TAPT1: variants seen among roughly 807,000 people sequenced by gnomAD.
TAPT1 encodes the protein transmembrane anterior posterior transformation 1, also known as transmembrane anterior posterior transformation protein 1 homolog.
In TAPT1, 28 loss-of-function variants were observed where a neutral mutation model predicts 65.6. The ratio of observed to expected loss-of-function variants is 0.43; its 90% CI spans 0.32 to 0.59. The LOEUF (loss-of-function observed/expected upper bound fraction) is 0.59, where lower values mean the gene tolerates loss of function less well. TAPT1 is among the 20% of genes least tolerant of loss of function. The probability of loss-of-function intolerance (pLI) is 0.09; values close to 1 mark genes in which losing one functional copy is unlikely to be tolerated. For missense variants in TAPT1, 563 were observed against 679.9 expected, an observed-to-expected ratio of 0.83 and a Z score of 1.91; for synonymous variants, 278 against 245.2, an observed-to-expected ratio of 1.13 and a Z score of -1.25.
At chr4:16,185,649 G>A (rs191466685) in intron 7 of TAPT1, among the ~76,000 whole-genome samples, 2 of 152,128 alleles carry the variant, frequency 1.3e-5, no homozygotes, top group Admixed American at 6.5e-5. Flanking sequence ...GATTACAGGC[G>A]TTAGCCACTG....
intron 12 of TAPT1, among the ~76,000 whole-genome samples, chr4:16,168,489 G>A (rs1747783639): frequency 6.6e-6 from 1 of 152,112 alleles, no homozygotes; most frequent in Admixed American, 6.5e-5. Flanking sequence ...GCTGCCTGGT[G>A]CCTGCTGTTC....
intron 1 of TAPT1, among the ~76,000 whole-genome samples, chr4:16,217,715 CAAA>C (rs935018338): frequency 6.6e-6 from 1 of 152,178 alleles, no homozygotes; most frequent in Non-Finnish European, 1.5e-5. Flanking sequence ...TCAGACATGA[CAAA>C]AGAAGAGCAT....
chr4:16,203,782 T>C (rs936312191), intron 2 of TAPT1, among the ~76,000 whole-genome samples: 9 of 152,242 alleles, frequency 5.9e-5, no homozygotes, highest in African/African-American at 9.6e-5. Context: ...TACTTTGTTA[T>C]GGCAGCCCTA....
At chr4:16,186,463 G>T in intron 7 of TAPT1, 72 bp downstream of exon 7, 1 of 952,630 alleles carries the variant, frequency 1.0e-6, no homozygotes, top group Non-Finnish European at 1.6e-6. Context: ...GAGAAAATGT[G>T]CCATTAGGAT....
intron 3 of TAPT1, among the ~76,000 whole-genome samples, chr4:16,200,485 T>C (rs1292821548): frequency 6.6e-6 from 1 of 152,070 alleles, no homozygotes; most frequent in Admixed American, 6.5e-5. Context: ...CCACCATGTC[T>C]GGCTAATTTT....
intron 13 of TAPT1, among the ~76,000 whole-genome samples, chr4:16,165,669 G>A (rs915823697): frequency 2.6e-5 from 4 of 151,664 alleles, no homozygotes; most frequent in East Asian, 3.9e-4. Flanking sequence ...TTAAGTCAAC[G>A]TCCCAGTTCT....
upstream of TAPT1, chr4:16,226,682 C>A: frequency 6.1e-6 from 1 of 163,778 alleles, no homozygotes; most frequent in Non-Finnish European, 1.3e-5. Context: ...CTGCCCTCGC[C>A]GTGGCGGGCG....
chr4:16,202,404 A>C, intron 3 of TAPT1, 58 bp downstream of exon 3: 1 of 1,079,628 alleles, frequency 9.3e-7, no homozygotes, highest in Non-Finnish European at 1.4e-6. Flanking sequence ...CAACCACTAC[A>C]AGTATTAAAA....
chr4:16,214,525 C>G (rs138298055), intron 1 of TAPT1: 8 of 152,360 alleles, frequency 5.3e-5, no homozygotes, highest in African/African-American at 1.9e-4. Flanking sequence ...TGTTTTTCCT[C>G]TGTTCCTCTA....
At chr4:16,212,461 AT>A (rs1163370739) in intron 2 of TAPT1, among the ~76,000 whole-genome samples, 4 of 152,140 alleles carry the variant, frequency 2.6e-5, no homozygotes, top group Non-Finnish European at 5.9e-5. Context: ...TTAATCTTTT[AT>A]TTTTTTCCAA....
At chr4:16,194,967 G>C (rs1421237613) in intron 3 of TAPT1, among the ~76,000 whole-genome samples, 2 of 151,962 alleles carry the variant, frequency 1.3e-5, no homozygotes, top group African/African-American at 2.4e-5. Flanking sequence ...CCTGACCTCA[G>C]GTGATCCACC....
intron 1 of TAPT1, among the ~76,000 whole-genome samples, chr4:16,215,481 G>A (rs1750884831): frequency 6.6e-6 from 1 of 152,092 alleles, no homozygotes; most frequent in South Asian, 2.1e-4. Context: ...CCATATATAT[G>A]TGTATGTACA....
intron 2 of TAPT1, among the ~76,000 whole-genome samples, chr4:16,204,600 G>A (rs1389144162): frequency 6.6e-6 from 1 of 152,248 alleles, no homozygotes; most frequent in Non-Finnish European, 1.5e-5. Flanking sequence ...GTCTCTGAGA[G>A]ATCTTTTCTG....
At chr4:16,220,356 G>A (rs918503972) in intron 1 of TAPT1, among the ~76,000 whole-genome samples, 4 of 152,004 alleles carry the variant, frequency 2.6e-5, no homozygotes, top group Non-Finnish European at 5.9e-5. Context: ...CTACCTCTAC[G>A]TTTTAAAAAT....
At chr4:16,181,593 G>T (rs906578877) in intron 7 of TAPT1, among the ~76,000 whole-genome samples, 6 of 152,134 alleles carry the variant, frequency 3.9e-5, no homozygotes, top group African/African-American at 1.4e-4. Flanking sequence ...TATTTTTTAA[G>T]ATTTTTTTAT....
At position 16,212,582 on chromosome 4, in the gene TAPT1, C is replaced by G. The variant is rs189633112; in HGVS notation, c.330+1186G>C. 1.6e-3 allele frequency among the ~76,000 whole-genome samples: 242 copies of G among 152,296 alleles called. 1 individual carries two copies. The highest frequency in any genetic ancestry group is 5.1e-3 in the African/African-American group (211 of 41,556). On this transcript the variant is annotated intron_variant, in intron 2 of 13. Coordinates refer to ENST00000405303, the MANE Select transcript of TAPT1 (RefSeq NM_153365.3). ...CGCTGGAGAGGAGTGCTGTGGAGAG[C>G]CCTGCCCACTCCTCCTCCCTCCTTA...
At chr4:16,216,873 G>C (rs13136172) in intron 1 of TAPT1, among the ~76,000 whole-genome samples, 1 of 151,910 alleles carries the variant, frequency 6.6e-6, no homozygotes, top group Admixed American at 6.6e-5. Flanking sequence ...ACCCTTCAGT[G>C]GTTCTTCATT....
At chr4:16,209,761 T>C (rs1341905771) in intron 2 of TAPT1, among the ~76,000 whole-genome samples, 2 of 152,232 alleles carry the variant, frequency 1.3e-5, no homozygotes, top group Admixed American at 6.5e-5. Context: ...ATAGTATATA[T>C]ATCTTGTGAG....
At chr4:16,219,464 G>A (rs901067325) in intron 1 of TAPT1, among the ~76,000 whole-genome samples, 6 of 152,170 alleles carry the variant, frequency 3.9e-5, no homozygotes, top group South Asian at 2.1e-4. Context: ...CAGCCCTGCC[G>A]GTGAGTTCTG....
Sources: gnomAD v4.1 joint callset for allele counts (sites outside exome capture counted in the v4.1 genomes callset) on GRCh38, gnomAD v4.1.1 for gene constraint, MANE v1.5 for transcripts, NCBI Gene and HGNC (gene_info 2026-07-23, HGNC 2026-07-21) for gene names.